Variants in RUVBL1 observed in about 807,000 individuals in gnomAD.
RUVBL1 encodes the protein RuvB like AAA ATPase 1, also known as ruvB-like 1.
RUVBL1 carries 4 observed loss-of-function variants against 52.4 expected under a neutral mutation model. The observed-to-expected ratio is 0.08, with a 90% CI of 0.04 to 0.17. RUVBL1 has a LOEUF of 0.17. Ranked by LOEUF, RUVBL1 falls within the 10% of genes least tolerant of loss-of-function variation. The pLI is 1.00. For missense variants in RUVBL1, 298 were observed against 572.8 expected (o/e 0.52, Z 4.90); for synonymous variants, 217 against 214.4 (o/e 1.01, Z -0.10).
At chr3:128,077,599 G>T (rs748765271), downstream of RUVBL1, among the ~76,000 whole-genome samples, 2 of 152,222 alleles carry the variant, frequency 1.3e-5, no homozygotes, top group African/African-American at 4.8e-5. Context: ...CCCTAGCTGA[G>T]CCTCACCCAG....
At chr3:128,152,351 C>T (rs1188712967) in intron 1 of RUVBL1, among the ~76,000 whole-genome samples, 1 of 152,192 alleles carries the variant, frequency 6.6e-6, no homozygotes, top group Admixed American at 6.5e-5. Flanking sequence ...TGTCCTCTTC[C>T]ATCTTCAAAC....
Position 128,081,023 on chromosome 3 carries a change from C to A in RUVBL1, c.*227G>T. 1.5e-5 allele frequency: 7 copies of A among 466,334 alleles called. No homozygotes were observed. The highest frequency in any genetic ancestry group is 8.5e-5 in the South Asian group (2 of 23,624). The allele number at this position is 466,334 out of a possible 1,614,324, so 28.9% of individuals were successfully genotyped here. Reference sequence around the variant, plus strand: ...GAGAGAGAGAGAGAATCAAAATAACCTATGAAGATTTATAGAAAACACACC... The same window carrying A: ...GAGAGAGAGAGAGAATCAAAATAACATATGAAGATTTATAGAAAACACACC... On this transcript the variant is annotated 3_prime_UTR_variant, in exon 11 of 11. Transcript: ENST00000322623. This position sits in a 1 kb window ranked among gnomAD's most constrained non-coding sequence, Gnocchi z 4.8.
At chr3:128,110,575 G>A (rs148325577) in intron 3 of RUVBL1, among the ~76,000 whole-genome samples, 5 of 152,108 alleles carry the variant, frequency 3.3e-5, no homozygotes, top group African/African-American at 1.2e-4. Flanking sequence ...TATTCAAATC[G>A]TGGCACTGAG....
Position 128,134,458 on chromosome 3 carries a change from CAA to C in RUVBL1, c.-39-15046_-39-15045del, listed in dbSNP as rs55972505. Among the ~76,000 whole-genome samples, 1,011 of 107,544 alleles carry C rather than the reference CAA, an allele frequency of 9.4e-3. 10 individuals are homozygous for C. The highest frequency in any genetic ancestry group is 0.025 in the African/African-American group (687 of 27,362). 70.6% of individuals were successfully genotyped at this position (107,544 alleles called of 152,430 possible). On this transcript the variant is annotated intron_variant, in intron 1 of 9. Coordinates refer to the RUVBL1 transcript ENST00000464873. Reference sequence around the variant, plus strand: ...GCCTGGGCAACAAGAGTGAAACTGTCAAAAAAAAAAAAAAAAAAGACAGGCTA... The same window carrying C: ...GCCTGGGCAACAAGAGTGAAACTGTCAAAAAAAAAAAAAAAAGACAGGCTA...
rs1943186031 is a variant in RUVBL1 at position 128,104,837 on chromosome 3, T to C, written c.449A>G (p.Tyr150Cys). The C allele has an allele frequency of 6.2e-7, 1 of 1,613,652 alleles. No individual in the cohort carries two copies. Among genetic ancestry groups the C allele is most frequent in the Admixed American group, 1.7e-5 (1 of 60,004 alleles). ...GATCACATGGCTAATGGTTTTGCCA[T>C]ATCCTCCCATGGGATTCTCTGTCTC... ...PCETENPMGG[Y>C]GKTISHVIIG... The change falls in exon 4 of 11, where the codon TAT (tyrosine) becomes TGT (cysteine). Residue 150 changes from tyrosine (Y) to cysteine (C), a missense_variant. Physicochemically the swap from Tyr to Cys is radical, Grantham distance 194. Around this residue, in one of 5 missense-constraint regions of RUVBL1, gnomAD observed 58 missense variants for 83.2 expected, o/e 0.70. Coordinates refer to ENST00000322623, the MANE Select transcript of RUVBL1 (RefSeq NM_003707.3).
At position 128,067,701 on chromosome 3, in the gene RUVBL1, C is replaced by G. The variant is rs1386765010; in HGVS notation, c.940-2481G>C. The G allele has an allele frequency of 2.7e-6, 3 of 1,094,840 alleles. No homozygotes were observed. Among genetic ancestry groups the G allele is most frequent in the Non-Finnish European group, 4.0e-6 (3 of 751,690 alleles). 67.8% of individuals were successfully genotyped at this position (1,094,840 alleles called of 1,614,324 possible). A position where few individuals can be genotyped will look rare whatever the true frequency, so the allele number is the denominator to read the frequency against. On this transcript the variant is annotated intron_variant, in intron 9 of 9. Transcript: ENST00000464873. This position sits in a 1 kb window ranked among gnomAD's most constrained non-coding sequence, Gnocchi z 4.1. ...TTGTCACCTCATCATAAATAATGGT[C>G]TGTGACGTGTGCAGATAGATCGTCG...
intron 4 of RUVBL1, among the ~76,000 whole-genome samples, chr3:128,102,646 C>T (rs1414839414): frequency 1.3e-5 from 2 of 152,136 alleles, no homozygotes; most frequent in Non-Finnish European, 2.9e-5. Flanking sequence ...AGAAGGCAAC[C>T]GAAAGTAGAT....
intron 1 of RUVBL1, among the ~76,000 whole-genome samples, chr3:128,119,813 A>G (rs1357188907): frequency 2.0e-5 from 3 of 152,214 alleles, no homozygotes; most frequent in African/African-American, 7.2e-5. Context: ...GAAAATCCAA[A>G]GCAGAAACAA....
chr3:128,135,538 A>G (rs910237914), intron 1 of RUVBL1, among the ~76,000 whole-genome samples: 5 of 152,256 alleles, frequency 3.3e-5, no homozygotes, highest in African/African-American at 7.2e-5. Context: ...ATCTCAAAAT[A>G]AGTAAATAAA....
chr3:128,097,749 G>T (rs1413791245), intron 7 of RUVBL1, among the ~76,000 whole-genome samples: 3 of 152,124 alleles, frequency 2.0e-5, no homozygotes, highest in Non-Finnish European at 4.4e-5. Context: ...AATGTAAAAA[G>T]GTTGCACAGG....
chr3:128,080,135 G>A (rs935747189), downstream of RUVBL1, among the ~76,000 whole-genome samples: 2 of 152,174 alleles, frequency 1.3e-5, no homozygotes, highest in Admixed American at 6.5e-5. Flanking sequence ...GCAGAGATTC[G>A]GCCAGAGAGA....
intron 1 of RUVBL1, among the ~76,000 whole-genome samples, chr3:128,142,730 A>C (rs897486087): frequency 2.0e-5 from 3 of 152,126 alleles, no homozygotes; most frequent in African/African-American, 7.2e-5. Context: ...AAAAATGGCC[A>C]GTTGAGTCTT....
intron 4 of RUVBL1, among the ~76,000 whole-genome samples, chr3:128,104,428 T>A (rs1330552533): frequency 6.6e-6 from 1 of 152,208 alleles, no homozygotes; most frequent in Non-Finnish European, 1.5e-5. Flanking sequence ...CTGGAAAAAT[T>A]AATGCCCAGG....
In RUVBL1 at chr3:128,067,340, C is replaced by T. The variant is rs1942011828; in HGVS notation, c.940-2120G>A. 6.9e-7 allele frequency: 1 copy of T among 1,450,256 alleles called. No homozygotes were observed. The allele number at this position is 1,450,256 out of a possible 1,614,324, so 89.8% of individuals were successfully genotyped here. The stretch of plus-strand genomic sequence containing the variant: ...GGCACCGAGTAAAATTGCATTCTTT[C>T]ATCTGCTCAGAACTATTTTTGCCTT... On this transcript the variant is annotated intron_variant, in intron 9 of 9. Coordinates refer to the RUVBL1 transcript ENST00000464873. This position sits in a 1 kb window ranked among gnomAD's most constrained non-coding sequence, Gnocchi z 4.1.
intron 9 of RUVBL1, among the ~76,000 whole-genome samples, chr3:128,068,312 G>A (rs141028245): frequency 1.8e-4 from 28 of 152,382 alleles, no homozygotes; most frequent in African/African-American, 6.3e-4. Context: ...GTGGCCAGGC[G>A]GATAGGAGAC....
At chr3:128,109,350 A>G (rs755624159) in intron 3 of RUVBL1, among the ~76,000 whole-genome samples, 13 of 152,044 alleles carry the variant, frequency 8.6e-5, no homozygotes, top group Non-Finnish European at 1.8e-4. Flanking sequence ...GTTCGAGACC[A>G]CCTGGGCAAC....
chr3:128,074,562 G>A (rs1942252641), intron 9 of RUVBL1, among the ~76,000 whole-genome samples: 1 of 152,116 alleles, frequency 6.6e-6, no homozygotes, highest in Non-Finnish European at 1.5e-5. Flanking sequence ...ACCATAAGCA[G>A]CCGGGCACAG....
chr3:128,122,311 G>A (rs1261240363), intron 1 of RUVBL1, among the ~76,000 whole-genome samples: 2 of 152,100 alleles, frequency 1.3e-5, no homozygotes, highest in Non-Finnish European at 2.9e-5. Flanking sequence ...ATTGGGAGAG[G>A]GACAGATGAA....
At chr3:128,071,865 A>G (rs1942177759) in intron 9 of RUVBL1, among the ~76,000 whole-genome samples, 1 of 152,186 alleles carries the variant, frequency 6.6e-6, no homozygotes, top group South Asian at 2.1e-4. Flanking sequence ...ATAAAGTGAT[A>G]TGGGTGCTGG....
Sources: allele counts gnomAD v4.1 joint callset (sites outside exome capture counted in the v4.1 genomes callset), GRCh38; gene constraint gnomAD v4.1.1; regional missense constraint gnomAD v4.1.1; non-coding constraint Gnocchi (gnomAD v3.1); transcripts MANE v1.5; gene names NCBI Gene and HGNC (gene_info 2026-07-23, HGNC 2026-07-21).